Variants in TCF20 observed in about 807,000 individuals in gnomAD.
TCF20 encodes transcription factor 20.
Under a neutral mutation model 148.6 loss-of-function variants are expected in TCF20, and 3 were observed. The observed-to-expected ratio is 0.02, with a 90% confidence interval of 0.01 to 0.05. The LOEUF (loss-of-function observed/expected upper bound fraction) is 0.05, where lower values mean the gene tolerates loss of function less well. TCF20 is among the 10% of genes least tolerant of loss of function. The pLI is 1.00. For missense variants in TCF20, 2,350 were observed against 2,429.3 expected (o/e 0.97, Z 0.69); for synonymous variants, 1,049 against 909.5 (o/e 1.15, Z -2.76).
chr22:42,316,246 CA>C (rs1225602904), intron 1 of TCF20, among the ~76,000 whole-genome samples: 4 of 151,990 alleles, frequency 2.6e-5, no homozygotes, highest in African/African-American at 9.7e-5. Flanking sequence ...CTAGGAAAGT[CA>C]CCAGGCACAA....
In TCF20 at chr22:42,211,693, C is replaced by T. The variant is rs922394502; in HGVS notation, c.3613G>A (p.Gly1205Arg). 1 of 1,614,074 alleles carries T rather than the reference C, an allele frequency of 6.2e-7. No individual in the cohort carries two copies. The highest frequency in any genetic ancestry group is 1.3e-5 in the African/African-American group (1 of 74,908). Residue 1205 changes from glycine (G) to arginine (R), a missense_variant, in exon 2 of 6, where the codon GGA becomes AGA. Transcript: ENST00000677622. ...TSPAKSSGPP[G>R]MSSQKRYGPP... Reference sequence around the variant, plus strand: ...CCATACCTTTTTTGACTGGACATTCCTGGAGGACCGCTGCTTTTGGCTGGA... The same window carrying T: ...CCATACCTTTTTTGACTGGACATTCTTGGAGGACCGCTGCTTTTGGCTGGA...
At chr22:42,256,249 T>C (rs1925735078) in intron 1 of TCF20, among the ~76,000 whole-genome samples, 1 of 152,250 alleles carries the variant, frequency 6.6e-6, no homozygotes, top group African/African-American at 2.4e-5. Context: ...CATATTGGAC[T>C]CTCCCACAGA....
chr22:42,254,644 G>A (rs1000565068), intron 1 of TCF20, among the ~76,000 whole-genome samples: 3 of 152,166 alleles, frequency 2.0e-5, no homozygotes, highest in African/African-American at 7.2e-5. Context: ...CTCAGAGGGC[G>A]TCCAGCCCTA....
chr22:42,172,953 G>GA (rs1936215698), intron 3 of TCF20, among the ~76,000 whole-genome samples: 1 of 152,172 alleles, frequency 6.6e-6, no homozygotes, highest in African/African-American at 2.4e-5. Flanking sequence ...CTGTGAGGCA[G>GA]ACGGCTGTCC....
chr22:42,312,343 C>A (rs1454312062), intron 1 of TCF20, among the ~76,000 whole-genome samples: 1 of 152,166 alleles, frequency 6.6e-6, no homozygotes, highest in Non-Finnish European at 1.5e-5. Flanking sequence ...CCAGCAGCTG[C>A]TGAGAATGAG....
At chr22:42,209,595 A>G (rs1920924267) in intron 2 of TCF20, 56 bp downstream of exon 2, 16 of 1,526,564 alleles carry the variant, frequency 1.0e-5, no homozygotes, top group African/African-American at 1.4e-5. Flanking sequence ...AACATGCAAG[A>G]AAAGGAACCA....
intron 1 of TCF20, among the ~76,000 whole-genome samples, chr22:42,258,797 A>C (rs1925878216): frequency 6.6e-6 from 1 of 152,150 alleles, no homozygotes; most frequent in Non-Finnish European, 1.5e-5. Context: ...AGGTGCATTA[A>C]ATATACCTTC....
At chr22:42,332,163 G>A (rs993581462) in intron 1 of TCF20, among the ~76,000 whole-genome samples, 3 of 152,202 alleles carry the variant, frequency 2.0e-5, no homozygotes, top group African/African-American at 7.2e-5. Flanking sequence ...TGGGCACTAC[G>A]AACTAGCCTG....
intron 1 of TCF20, among the ~76,000 whole-genome samples, chr22:42,257,054 G>A (rs1292074310): frequency 6.6e-6 from 1 of 152,174 alleles, no homozygotes; most frequent in African/African-American, 2.4e-5. Flanking sequence ...CAGATACTCA[G>A]GAGGCCGAGG....
intron 3 of TCF20, among the ~76,000 whole-genome samples, chr22:42,177,576 C>T (rs576922380): frequency 6.6e-6 from 1 of 152,286 alleles, no homozygotes; most frequent in African/African-American, 2.4e-5. Flanking sequence ...AAGTCTTCTG[C>T]GTCACTCATT....
chr22:42,164,097 T>C (rs1225677832), intron 5 of TCF20, among the ~76,000 whole-genome samples: 1 of 151,974 alleles, frequency 6.6e-6, no homozygotes. Flanking sequence ...AGACACTAAT[T>C]CCGACTAGAG....
At chr22:42,227,270 C>A (rs1197714526) in intron 1 of TCF20, among the ~76,000 whole-genome samples, 1 of 151,900 alleles carries the variant, frequency 6.6e-6, no homozygotes, top group African/African-American at 2.4e-5. Context: ...GAGCAACAGC[C>A]TCTCTCAAAA....
chr22:42,180,919 A>G (rs1936739367), intron 2 of TCF20, among the ~76,000 whole-genome samples: 1 of 152,200 alleles, frequency 6.6e-6, no homozygotes, highest in Non-Finnish European at 1.5e-5. Context: ...AGTCCTTCAA[A>G]AGCTTTGCCC....
chr22:42,264,169 A>C (rs1045383110), intron 1 of TCF20, among the ~76,000 whole-genome samples: 30 of 150,768 alleles, frequency 2.0e-4, no homozygotes, highest in African/African-American at 7.1e-4. Flanking sequence ...GCTTAGAGCT[A>C]TCCTTGCTTT....
intron 2 of TCF20, 61 bp downstream of exon 2, chr22:42,209,590 G>A (rs149213470): frequency 1.2e-5 from 18 of 1,515,414 alleles, no homozygotes; most frequent in African/African-American, 5.6e-5. Flanking sequence ...ACAAAAACAT[G>A]CAAGAAAAGG....
At chr22:42,301,576 G>A (rs980524905) in intron 1 of TCF20, among the ~76,000 whole-genome samples, 6 of 152,234 alleles carry the variant, frequency 3.9e-5, no homozygotes, top group Non-Finnish European at 5.9e-5. Flanking sequence ...AAAGTGATTC[G>A]ACAGGCGGAG....
At chr22:42,330,763 G>A (rs908789120) in intron 1 of TCF20, among the ~76,000 whole-genome samples, 10 of 152,254 alleles carry the variant, frequency 6.6e-5, no homozygotes, top group African/African-American at 2.4e-4. Flanking sequence ...TCCAGGAAGT[G>A]TTCCCAGAGG....
chr22:42,161,976 T>A (rs1209530560), intron 5 of TCF20, among the ~76,000 whole-genome samples: 1 of 73,742 alleles, frequency 1.4e-5, no homozygotes. Flanking sequence ...GACAGTCTTT[T>A]TTTTTTTTTT....
chr22:42,190,032 C>G (rs540052578), intron 2 of TCF20, among the ~76,000 whole-genome samples: 1 of 152,242 alleles, frequency 6.6e-6, no homozygotes, highest in East Asian at 1.9e-4. Flanking sequence ...CTGTCTCTCA[C>G]TGGTACAGGA....
Sources: allele counts gnomAD v4.1 joint callset (sites outside exome capture counted in the v4.1 genomes callset), GRCh38; gene constraint gnomAD v4.1.1; transcripts MANE v1.5; gene names NCBI Gene and HGNC (gene_info 2026-07-23, HGNC 2026-07-21).